VPS13B: variants seen among roughly 807,000 people sequenced by gnomAD.
The protein encoded by VPS13B is vacuolar protein sorting 13 homolog B.
A neutral mutation model predicts 426.4 loss-of-function variants in VPS13B; 285 were observed. The observed-to-expected ratio is 0.67, with a 90% CI of 0.61 to 0.74. The LOEUF is 0.74. Ranked by LOEUF, VPS13B falls within the 30% of genes least tolerant of loss-of-function variation. The probability of loss-of-function intolerance (pLI) is 0.00; values close to 1 mark genes in which losing one functional copy is unlikely to be tolerated. For missense variants in VPS13B, 4,537 were observed against 4,782.6 expected (o/e 0.95, Z 1.51); for synonymous variants, 1,676 against 1,676.4 (o/e 1.00, Z 0.01).
At chr8:99,431,806 G>A (rs1817126505) in intron 22 of VPS13B, 142 bp downstream of exon 22, 1 of 874,954 alleles carries the variant, frequency 1.1e-6, no homozygotes, top group Non-Finnish European at 1.7e-6. Flanking sequence ...GAAAATAATT[G>A]GTGTACTTCA....
chr8:99,485,076 C>A (rs1588427587), intron 25 of VPS13B, among the ~76,000 whole-genome samples: 1 of 152,282 alleles, frequency 6.6e-6, no homozygotes, highest in East Asian at 1.9e-4. Context: ...TTACTCACAA[C>A]AGAGCAGGCA....
At chr8:99,049,545 G>GTT (rs112518424) in intron 3 of VPS13B, among the ~76,000 whole-genome samples, 75 of 146,888 alleles carry the variant, frequency 5.1e-4, no homozygotes, top group African/African-American at 1.7e-3. Flanking sequence ...AATTCAATAG[G>GTT]TTTTTTTTTT....
At chr8:99,621,152 C>G (rs528701025) in intron 33 of VPS13B, among the ~76,000 whole-genome samples, 1 of 152,224 alleles carries the variant, frequency 6.6e-6, no homozygotes, top group South Asian at 2.1e-4. Flanking sequence ...GGTTTAAGAG[C>G]ACAAGTCACT....
At chr8:99,480,615 G>T (rs1819986307) in intron 24 of VPS13B, among the ~76,000 whole-genome samples, 1 of 151,954 alleles carries the variant, frequency 6.6e-6, no homozygotes, top group African/African-American at 2.4e-5. Context: ...TTAGCTACTA[G>T]ATTACTTTTA....
chr8:99,713,677 C>A (rs1238015023), intron 36 of VPS13B, among the ~76,000 whole-genome samples: 1 of 152,140 alleles, frequency 6.6e-6, no homozygotes, highest in Admixed American at 6.5e-5. Context: ...AGTGACACCC[C>A]AGTAGCAATG....
intron 54 of VPS13B, among the ~76,000 whole-genome samples, chr8:99,840,128 G>A (rs897669162): frequency 1.2e-4 from 18 of 152,138 alleles, no homozygotes; most frequent in African/African-American, 3.9e-4. Flanking sequence ...TCTGGCAGCC[G>A]GAATTACACA....
chr8:99,324,309 A>G (rs1810130517), intron 19 of VPS13B, among the ~76,000 whole-genome samples: 1 of 152,188 alleles, frequency 6.6e-6, no homozygotes, highest in Non-Finnish European at 1.5e-5. Flanking sequence ...TAACCTTTTT[A>G]TTCTTTTCAG....
At chr8:99,516,102 A>C (rs916023234) in intron 29 of VPS13B, among the ~76,000 whole-genome samples, 4 of 152,228 alleles carry the variant, frequency 2.6e-5, no homozygotes, top group African/African-American at 7.2e-5. Flanking sequence ...AAATACAAAA[A>C]TGCATGCCAA....
intron 2 of VPS13B, among the ~76,000 whole-genome samples, chr8:99,015,900 C>G (rs1037876410): frequency 6.6e-6 from 1 of 152,154 alleles, no homozygotes; most frequent in African/African-American, 2.4e-5. Flanking sequence ...GAGACTCCAT[C>G]TGGGGCAGGG....
At chr8:99,084,244 G>C (rs1324648492) in intron 3 of VPS13B, among the ~76,000 whole-genome samples, 1 of 152,154 alleles carries the variant, frequency 6.6e-6, no homozygotes, top group African/African-American at 2.4e-5. Flanking sequence ...TTTGCGCAGA[G>C]GTGTTTGTAG....
intron 4 of VPS13B, among the ~76,000 whole-genome samples, chr8:99,102,667 T>C (rs1362857649): frequency 6.6e-6 from 1 of 152,184 alleles, no homozygotes; most frequent in East Asian, 1.9e-4. Context: ...TTGTATGGGA[T>C]CTAATATTAT....
intron 3 of VPS13B, among the ~76,000 whole-genome samples, chr8:99,080,284 C>T (rs887820224): frequency 4.6e-5 from 7 of 151,636 alleles, no homozygotes; most frequent in African/African-American, 1.7e-4. Context: ...ATTTTTCTTG[C>T]TTTTGTATTT....
intron 34 of VPS13B, among the ~76,000 whole-genome samples, chr8:99,643,161 G>T (rs182659937): frequency 1.1e-4 from 17 of 152,204 alleles, no homozygotes; most frequent in Non-Finnish European, 1.6e-4. Flanking sequence ...AGTAACAAGG[G>T]CCAGTGGAGT....
intron 19 of VPS13B, among the ~76,000 whole-genome samples, chr8:99,361,393 T>C (rs1812549395): frequency 6.6e-6 from 1 of 152,228 alleles, no homozygotes; most frequent in South Asian, 2.1e-4. Context: ...CTTTTGAAAC[T>C]ACTCAACTCT....
intron 44 of VPS13B, among the ~76,000 whole-genome samples, chr8:99,813,918 G>A (rs927108552): frequency 2.6e-5 from 4 of 152,170 alleles, no homozygotes; most frequent in African/African-American, 9.7e-5. Flanking sequence ...AGAATCACTT[G>A]AGCCCAGGGG....
At chr8:99,082,853 T>C (rs1041239548) in intron 3 of VPS13B, among the ~76,000 whole-genome samples, 1 of 152,224 alleles carries the variant, frequency 6.6e-6, no homozygotes, top group African/African-American at 2.4e-5. Flanking sequence ...CATGCTGTTT[T>C]GCTTACTGTA....
chr8:99,639,815 G>A (rs1231858688), intron 33 of VPS13B, among the ~76,000 whole-genome samples: 2 of 148,728 alleles, frequency 1.3e-5, no homozygotes, highest in African/African-American at 4.9e-5. Flanking sequence ...TACAAAAAAT[G>A]TAAAAATAAG....
intron 28 of VPS13B, chr8:99,507,906 C>T (rs1821585191): frequency 6.2e-7 from 1 of 1,614,008 alleles, no homozygotes; most frequent in Non-Finnish European, 8.5e-7. Context: ...TGGCTTCTTT[C>T]CTTCTGTAAG....
chr8:99,857,975 C>T (rs989086941), intron 56 of VPS13B, among the ~76,000 whole-genome samples: 3 of 152,292 alleles, frequency 2.0e-5, no homozygotes, highest in Admixed American at 6.5e-5. Context: ...TCCCTCTCTT[C>T]GTGGGCTGGG....
Sources: allele counts gnomAD v4.1 joint callset (sites outside exome capture counted in the v4.1 genomes callset), GRCh38; gene constraint gnomAD v4.1.1; transcripts MANE v1.5; gene names NCBI Gene and HGNC (gene_info 2026-07-23, HGNC 2026-07-21).